Variants in PDE4D observed in about 807,000 individuals in gnomAD.
PDE4D encodes the protein 3',5'-cyclic-AMP phosphodiesterase 4D.
In PDE4D, 24 loss-of-function variants were observed where a neutral mutation model predicts 87.4. The ratio of observed to expected loss-of-function variants is 0.27; its 90% CI spans 0.20 to 0.39. The LOEUF (loss-of-function observed/expected upper bound fraction) is 0.39, where lower values mean the gene tolerates loss of function less well. Among genes scored for constraint, PDE4D ranks in the 10% least tolerant of loss-of-function variants. PDE4D has a pLI of 1.00. For synonymous variants in PDE4D, 384 were observed against 383.2 expected (o/e 1.00, Z -0.02); for missense variants, 714 against 1,041.0 (o/e 0.69, Z 4.32).
chr5:59,252,739 C>A (rs1170689411), intron 1 of PDE4D, among the ~76,000 whole-genome samples: 4 of 152,012 alleles, frequency 2.6e-5, no homozygotes, highest in Non-Finnish European at 4.4e-5. Flanking sequence ...GTTGCCCAGG[C>A]TGGTCTTACA....
At chr5:59,650,747 G>A (rs1334778679) in intron 1 of PDE4D, among the ~76,000 whole-genome samples, 1 of 152,010 alleles carries the variant, frequency 6.6e-6, no homozygotes, top group African/African-American at 2.4e-5. Context: ...AATAAGTAAG[G>A]TCATTCTATT....
At chr5:60,209,740 G>C (rs1742971529) in intron 1 of PDE4D, among the ~76,000 whole-genome samples, 1 of 151,816 alleles carries the variant, frequency 6.6e-6, no homozygotes, top group South Asian at 2.1e-4. Context: ...GAAAGAGGGA[G>C]GGGGAGAAAA....
chr5:59,003,120 AT>A (rs1010371037), intron 6 of PDE4D, among the ~76,000 whole-genome samples: 13 of 152,232 alleles, frequency 8.5e-5, no homozygotes, highest in African/African-American at 3.1e-4. Flanking sequence ...TTCTTAGCTC[AT>A]CTTCTTGCCC....
intron 1 of PDE4D, among the ~76,000 whole-genome samples, chr5:60,361,266 C>T (rs1760037236): frequency 6.6e-6 from 1 of 152,102 alleles, no homozygotes; most frequent in African/African-American, 2.4e-5. Flanking sequence ...ATGTTGGATA[C>T]ATTCAAGGAT....
chr5:59,633,412 G>A (rs923290088), intron 1 of PDE4D, among the ~76,000 whole-genome samples: 2 of 152,150 alleles, frequency 1.3e-5, no homozygotes, highest in Non-Finnish European at 2.9e-5. Context: ...TCCTTGAGAA[G>A]AGCAACCCCA....
intron 1 of PDE4D, among the ~76,000 whole-genome samples, chr5:59,313,730 G>C (rs571422207): frequency 1.3e-5 from 2 of 152,228 alleles, no homozygotes; most frequent in Admixed American, 6.5e-5. Context: ...AGAGAGTACT[G>C]CTGGCTCCAG....
intron 1 of PDE4D, among the ~76,000 whole-genome samples, chr5:59,569,094 A>C (rs969822476): frequency 9.9e-5 from 15 of 152,142 alleles, no homozygotes; most frequent in Admixed American, 6.6e-5. Flanking sequence ...TTTAAAGTAA[A>C]CTCGTACAAT....
chr5:59,384,304 T>C (rs1301957355), intron 1 of PDE4D, among the ~76,000 whole-genome samples: 1 of 152,166 alleles, frequency 6.6e-6, no homozygotes, highest in Non-Finnish European at 1.5e-5. Flanking sequence ...AGGACACATG[T>C]AGATGCACTT....
chr5:59,765,566 T>C (rs1762686673), intron 1 of PDE4D, among the ~76,000 whole-genome samples: 1 of 152,134 alleles, frequency 6.6e-6, no homozygotes, highest in Admixed American at 6.5e-5. Context: ...AAAACGAGTA[T>C]AAGTGACATG....
At chr5:60,449,435 T>C (rs1009191045) in intron 1 of PDE4D, among the ~76,000 whole-genome samples, 11 of 139,240 alleles carry the variant, frequency 7.9e-5, no homozygotes, top group East Asian at 2.1e-4. Context: ...TAGGTGGGAA[T>C]TGAACAATGA....
chr5:59,169,569 T>A (rs1028319844), intron 5 of PDE4D, among the ~76,000 whole-genome samples: 16 of 152,180 alleles, frequency 1.1e-4, no homozygotes, highest in African/African-American at 3.9e-4. Flanking sequence ...GATAATAATA[T>A]CACCTTGTAT....
intron 1 of PDE4D, among the ~76,000 whole-genome samples, chr5:59,500,998 T>C (rs1808201360): frequency 6.6e-6 from 1 of 152,212 alleles, no homozygotes. Context: ...AATTCCAAAA[T>C]TGAATTTTCT....
intron 1 of PDE4D, among the ~76,000 whole-genome samples, chr5:59,844,891 T>C (rs1038854431): frequency 6.6e-6 from 1 of 152,042 alleles, no homozygotes; most frequent in Non-Finnish European, 1.5e-5. Flanking sequence ...AGAACATCCA[T>C]AAGGAGGAGT....
intron 1 of PDE4D, among the ~76,000 whole-genome samples, chr5:59,429,682 G>A (rs930654343): frequency 5.3e-5 from 8 of 152,046 alleles, no homozygotes; most frequent in African/African-American, 1.9e-4. Context: ...AGAAAATGAC[G>A]TTGTATAAAA....
At chr5:59,460,691 G>A (rs1010819492) in intron 1 of PDE4D, among the ~76,000 whole-genome samples, 5 of 152,144 alleles carry the variant, frequency 3.3e-5, no homozygotes, top group Non-Finnish European at 7.4e-5. Context: ...AGCTTTCCAT[G>A]CTTCCTTAAG....
At chr5:60,462,614 T>A (rs1275817112) in intron 1 of PDE4D, among the ~76,000 whole-genome samples, 1 of 152,122 alleles carries the variant, frequency 6.6e-6, no homozygotes, top group Non-Finnish European at 1.5e-5. Flanking sequence ...CTGGGGAGCA[T>A]GAAAGGTATC....
intron 1 of PDE4D, among the ~76,000 whole-genome samples, chr5:59,560,507 G>A (rs1819789147): frequency 2.0e-5 from 3 of 152,138 alleles, no homozygotes; most frequent in Admixed American, 2.0e-4. Flanking sequence ...CTTGTTCTCC[G>A]CTATCTCTGC....
At chr5:60,059,480 G>A (rs898045426) in intron 2 of PDE4D, among the ~76,000 whole-genome samples, 2 of 151,978 alleles carry the variant, frequency 1.3e-5, no homozygotes, top group Non-Finnish European at 2.9e-5. Flanking sequence ...CTGAAAGAGA[G>A]TCATGAGAAT....
intron 1 of PDE4D, chr5:60,304,152 A>C (rs542797070): frequency 6.6e-6 from 1 of 152,032 alleles, no homozygotes; most frequent in African/African-American, 2.4e-5. Context: ...CAAAGCAAAC[A>C]CTCCTTCTTT....
Sources: gnomAD v4.1 joint callset for allele counts (sites outside exome capture counted in the v4.1 genomes callset) on GRCh38, gnomAD v4.1.1 for gene constraint, MANE v1.5 for transcripts, NCBI Gene and HGNC (gene_info 2026-07-23, HGNC 2026-07-21) for gene names.